ARHGAP26: variants seen among roughly 807,000 people sequenced by gnomAD.
The protein encoded by ARHGAP26 is rho GTPase-activating protein 26.
A neutral mutation model predicts 104.8 loss-of-function variants in ARHGAP26; 38 were observed. That is an observed-to-expected ratio of 0.36 (90% CI 0.28 to 0.48). ARHGAP26 has a LOEUF of 0.48. Ranked by LOEUF, ARHGAP26 falls within the 20% of genes least tolerant of loss-of-function variation. The pLI is 0.99. For synonymous variants in ARHGAP26, 341 were observed against 340.0 expected (o/e 1.00, Z -0.03); for missense variants, 704 against 947.9 (o/e 0.74, Z 3.38).
chr5:142,891,262 A>G (rs556149818), intron 5 of ARHGAP26, among the ~76,000 whole-genome samples: 12 of 151,926 alleles, frequency 7.9e-5, no homozygotes, highest in South Asian at 4.1e-4. Flanking sequence ...CCTGTCTCCA[A>G]GTAAAGATTC....
At chr5:142,979,128 T>C (rs1394013781) in intron 11 of ARHGAP26, among the ~76,000 whole-genome samples, 2 of 152,188 alleles carry the variant, frequency 1.3e-5, no homozygotes. Flanking sequence ...CAAGGAATTA[T>C]TAATTTTGCT....
chr5:142,770,978 T>C (rs1755072533), intron 1 of ARHGAP26, 63 bp downstream of exon 1: 4 of 1,510,902 alleles, frequency 2.6e-6, no homozygotes, highest in Non-Finnish European at 3.6e-6. Flanking sequence ...AGGTGGCGCT[T>C]AGCCCGGGTT....
rs1790780840 is a variant in ARHGAP26 at position 143,087,636 on chromosome 5, C to CTTTCT, written c.1538+29892_1538+29893insCTTTT. Among the ~76,000 whole-genome samples, 2 of 51,536 alleles carry CTTTCT rather than the reference C, an allele frequency of 3.9e-5. 1 individual carries two copies. The highest frequency in any genetic ancestry group is 6.5e-5 in the Non-Finnish European group (2 of 30,742). The allele number at this position is 51,536 out of a possible 152,430, so 33.8% of individuals were successfully genotyped here. ...CTCATCTAATTAACCCTGGCCCATT[C>CTTTCT]TTTTTTTTTTTTTTTTTTTTTTTTT... On this transcript the variant is annotated intron_variant, in intron 17 of 22. Coordinates refer to ENST00000645722, the MANE Select transcript of ARHGAP26 (RefSeq NM_001135608.3).
chr5:143,116,040 ATACT>A (rs1486299673), intron 17 of ARHGAP26, among the ~76,000 whole-genome samples: 1 of 152,152 alleles, frequency 6.6e-6, no homozygotes. Flanking sequence ...AGAGTGTGTC[ATACT>A]TACTATTCCT....
intron 11 of ARHGAP26, among the ~76,000 whole-genome samples, chr5:142,959,389 C>T (rs1037102931): frequency 1.3e-5 from 2 of 152,206 alleles, no homozygotes; most frequent in Non-Finnish European, 2.9e-5. Flanking sequence ...GTGTGTGTGT[C>T]CTCTGCTCAG....
At chr5:142,876,964 G>A (rs909836490) in intron 3 of ARHGAP26, among the ~76,000 whole-genome samples, 1 of 151,924 alleles carries the variant, frequency 6.6e-6, no homozygotes, top group Non-Finnish European at 1.5e-5. Flanking sequence ...GGGAAAGCTT[G>A]TGTGTTTGTG....
intron 17 of ARHGAP26, among the ~76,000 whole-genome samples, chr5:143,088,871 C>T (rs1008700483): frequency 1.3e-5 from 2 of 151,652 alleles, no homozygotes; most frequent in East Asian, 1.9e-4. Flanking sequence ...AGTGGTTTGG[C>T]GGGAAAAATG....
chr5:142,983,901 A>C (rs1435276706), intron 11 of ARHGAP26, among the ~76,000 whole-genome samples: 1 of 152,158 alleles, frequency 6.6e-6, no homozygotes, highest in African/African-American at 2.4e-5. Flanking sequence ...ATATTTTCTC[A>C]TGTCTGTCAG....
chr5:142,795,870 TG>T (rs1408915775), intron 1 of ARHGAP26, among the ~76,000 whole-genome samples: 1 of 152,218 alleles, frequency 6.6e-6, no homozygotes, highest in Non-Finnish European at 1.5e-5. Flanking sequence ...ATAGAAATCA[TG>T]TGACCTCTCA....
At chr5:142,776,307 G>A (rs1388927255) in intron 1 of ARHGAP26, among the ~76,000 whole-genome samples, 1 of 152,128 alleles carries the variant, frequency 6.6e-6, no homozygotes, top group African/African-American at 2.4e-5. Flanking sequence ...TCAGTGGTTT[G>A]TAGTTACAGA....
In ARHGAP26 at chr5:142,884,000, A is replaced by G. The variant is rs146730694; in HGVS notation, c.385-1298A>G. On this transcript the variant is annotated intron_variant, in intron 4 of 22. Transcript: ENST00000645722. ...TAAAGAGATGTGTCTGAGCTTCTTT[A>G]TTTGGCCAGAAAATATTTTTTCTCT... Among the ~76,000 whole-genome samples the G allele has an allele frequency of 1.2e-3, 186 of 152,316 alleles. 1 individual carries two copies. The highest frequency in any genetic ancestry group is 4.2e-3 in the African/African-American group (173 of 41,574).
chr5:143,167,078 A>G (rs187497853), intron 20 of ARHGAP26, among the ~76,000 whole-genome samples: 8 of 152,326 alleles, frequency 5.3e-5, no homozygotes, highest in Non-Finnish European at 1.2e-4. Context: ...AGCACAAGAC[A>G]GTATTGATTT....
At chr5:143,070,928 A>C (rs1331734729) in intron 17 of ARHGAP26, among the ~76,000 whole-genome samples, 1 of 152,134 alleles carries the variant, frequency 6.6e-6, no homozygotes, top group Non-Finnish European at 1.5e-5. Flanking sequence ...AAAAACAACA[A>C]AAAAACAGGG....
rs75305010 is a variant in ARHGAP26 at position 142,891,765 on chromosome 5, T to A, written c.487-2473T>A. Among the ~76,000 whole-genome samples, 381 of 152,140 alleles carry A rather than the reference T, an allele frequency of 2.5e-3. 11 individuals carry two copies. Among genetic ancestry groups the A allele is most frequent in the Admixed American group, 0.022 (338 of 15,298 alleles). On this transcript the variant is annotated intron_variant, in intron 5 of 22. Coordinates refer to ENST00000645722, the MANE Select transcript of ARHGAP26 (RefSeq NM_001135608.3). ...TAGAACGGTTTCTGACTGTGTCATT[T>A]CTAAGGAAAACAGTGTTTTGTTTCT...
intron 1 of ARHGAP26, among the ~76,000 whole-genome samples, chr5:142,846,195 GTGTATTACC>G: frequency 6.6e-6 from 1 of 152,320 alleles, no homozygotes. Flanking sequence ...CGCTGGCTTT[GTGTATTACC>G]TGTTGGGCCA....
chr5:143,163,293 T>C (rs1219670741), intron 20 of ARHGAP26, among the ~76,000 whole-genome samples: 1 of 152,186 alleles, frequency 6.6e-6, no homozygotes, highest in African/African-American at 2.4e-5. Flanking sequence ...AAAATATTTA[T>C]GGTTGAATGA....
chr5:142,821,327 T>TA (rs1766141916), intron 1 of ARHGAP26, among the ~76,000 whole-genome samples: 2 of 123,118 alleles, frequency 1.6e-5, no homozygotes, highest in Non-Finnish European at 3.2e-5. Flanking sequence ...TTTTTTTTTT[T>TA]AAACTTGGCA....
At chr5:143,022,622 A>T (rs1780510367) in intron 12 of ARHGAP26, among the ~76,000 whole-genome samples, 1 of 152,146 alleles carries the variant, frequency 6.6e-6, no homozygotes, top group Non-Finnish European at 1.5e-5. Flanking sequence ...ACACAAGGCT[A>T]AGTTTTTAAA....
chr5:143,161,474 T>C (rs573214845), intron 20 of ARHGAP26, among the ~76,000 whole-genome samples: 1 of 152,330 alleles, frequency 6.6e-6, no homozygotes, highest in South Asian at 2.1e-4. Flanking sequence ...TCACCTGATC[T>C]TCATCTGTCA....
Sources: gnomAD v4.1 joint callset for allele counts (sites outside exome capture counted in the v4.1 genomes callset) on GRCh38, gnomAD v4.1.1 for gene constraint, MANE v1.5 for transcripts, NCBI Gene and HGNC (gene_info 2026-07-23, HGNC 2026-07-21) for gene names.